CEMIP: variants seen among roughly 807,000 people sequenced by gnomAD.
CEMIP encodes the protein cell migration inducing hyaluronidase 1, also known as cell migration-inducing and hyaluronan-binding protein.
CEMIP carries 105 observed loss-of-function variants against 156.9 expected under a neutral mutation model. The observed-to-expected ratio is 0.67, with a 90% confidence interval of 0.57 to 0.79. The LOEUF is 0.79. CEMIP is among the 30% of genes least tolerant of loss of function. The pLI is 0.00. For synonymous variants in CEMIP, 676 were observed against 668.4 expected (o/e 1.01, Z -0.17); for missense variants, 1,457 against 1,769.4 (o/e 0.82, Z 3.17).
At chr15:80,892,275 G>A (rs747239136) in intron 10 of CEMIP, among the ~76,000 whole-genome samples, 1 of 152,166 alleles carries the variant, frequency 6.6e-6, no homozygotes, top group Non-Finnish European at 1.5e-5. Flanking sequence ...GGCAGGTTGG[G>A]AAGAAAGAGG....
chr15:80,821,018 A>G (rs1007280819), intron 1 of CEMIP, among the ~76,000 whole-genome samples: 1 of 152,268 alleles, frequency 6.6e-6, no homozygotes, highest in Non-Finnish European at 1.5e-5. Context: ...GCACTTCATC[A>G]TAAAGATGTG....
At chr15:80,839,721 G>A (rs904857664) in intron 1 of CEMIP, among the ~76,000 whole-genome samples, 1 of 152,162 alleles carries the variant, frequency 6.6e-6, no homozygotes, top group Non-Finnish European at 1.5e-5. Flanking sequence ...TTGGACTGTG[G>A]GCTGTGGGCT....
At position 80,933,421 on chromosome 15, in the gene CEMIP, C is replaced by A. The variant is rs137894355; in HGVS notation, c.2970C>A (p.Pro990=). 2.5e-6 allele frequency: 4 copies of A among 1,614,000 alleles called. No homozygotes were observed. The highest frequency in any genetic ancestry group is 3.4e-6 in the Non-Finnish European group (4 of 1,180,048). Residue 990 remains proline, a synonymous_variant, in exon 23 of 30, where the codon CCC becomes CCA. Transcript: ENST00000394685. ...GGCACCCAGACTGCATCAATGTTCC[C>A]GACTGGAGAGGGGCCATTTGCAGTG... is the stretch of plus-strand genomic sequence containing the variant. ...LVRHPDCINV[P]DWRGAICSGC...
intron 1 of CEMIP, among the ~76,000 whole-genome samples, chr15:80,859,588 C>T (rs1201748208): frequency 6.6e-6 from 1 of 152,198 alleles, no homozygotes; most frequent in Admixed American, 6.5e-5. Flanking sequence ...GTCCACATGC[C>T]GGAAGGCAAT....
At chr15:80,942,471 G>T in intron 27 of CEMIP, 134 bp downstream of exon 27, 1 of 769,998 alleles carries the variant, frequency 1.3e-6, no homozygotes, top group Non-Finnish European at 2.3e-6. Flanking sequence ...AGGGGGCTTG[G>T]GGCGGGGAAC....
chr15:80,897,835 C>G (rs1487182574), intron 12 of CEMIP, among the ~76,000 whole-genome samples: 1 of 152,168 alleles, frequency 6.6e-6, no homozygotes, highest in Non-Finnish European at 1.5e-5. Flanking sequence ...AACTTTATCT[C>G]TAAGCTACCT....
At chr15:80,917,514 A>T (rs535510531) in intron 14 of CEMIP, among the ~76,000 whole-genome samples, 10 of 152,336 alleles carry the variant, frequency 6.6e-5, no homozygotes, top group Admixed American at 6.5e-4. Flanking sequence ...CAGGCTATTT[A>T]TAACAAACTT....
chr15:80,880,889 T>A lies in CEMIP; in HGVS notation c.381-11T>A, dbSNP rs768648936. ...TGTCAGCCAACTCTGGGGAGCTGTT[T>A]TCTCTTGCAGGGCTGATGAAGGTAT... is the stretch of plus-strand genomic sequence containing the variant. On this transcript the variant is annotated splice_polypyrimidine_tract_variant and intron_variant, in intron 5 of 29. Coordinates refer to ENST00000394685, the MANE Select transcript of CEMIP (RefSeq NM_001293298.2). The A allele has an allele frequency of 8.1e-6, 13 of 1,611,742 alleles. No homozygotes were observed. The Admixed American group carries it at 2.0e-4, about 25-fold the overall frequency.
At chr15:80,828,543 GT>G (rs1897090090) in intron 1 of CEMIP, among the ~76,000 whole-genome samples, 1 of 152,164 alleles carries the variant, frequency 6.6e-6, no homozygotes, top group Admixed American at 6.5e-5. Context: ...TACTAGAAGG[GT>G]TGTTCATTCC....
At chr15:80,921,165 C>A in intron 16 of CEMIP, 64 bp downstream of exon 16, 1 of 1,413,430 alleles carries the variant, frequency 7.1e-7, no homozygotes, top group Non-Finnish European at 9.9e-7. Context: ...GGGAGACAGC[C>A]GAGGCTTACC....
intron 1 of CEMIP, among the ~76,000 whole-genome samples, chr15:80,783,293 T>G (rs1473400574): frequency 6.6e-6 from 1 of 152,228 alleles, no homozygotes; most frequent in East Asian, 1.9e-4. Context: ...GGAACAAAGT[T>G]GTATTTGTGA....
intron 3 of CEMIP, among the ~76,000 whole-genome samples, chr15:80,874,964 C>T (rs1191650740): frequency 1.3e-5 from 2 of 149,442 alleles, no homozygotes; most frequent in Non-Finnish European, 3.0e-5. Context: ...TAGTGAAATT[C>T]CTTCACTGTG....
chr15:80,790,222 A>C (rs1896046508), intron 1 of CEMIP, among the ~76,000 whole-genome samples: 1 of 152,214 alleles, frequency 6.6e-6, no homozygotes, highest in Admixed American at 6.5e-5. Flanking sequence ...GTAGGTGCTC[A>C]AATATTTTTT....
intron 1 of CEMIP, among the ~76,000 whole-genome samples, chr15:80,823,818 G>A (rs937596543): frequency 3.3e-5 from 5 of 152,168 alleles, no homozygotes; most frequent in African/African-American, 1.2e-4. Flanking sequence ...GAAAAAAGAC[G>A]ATGGACCTTT....
intron 14 of CEMIP, chr15:80,909,655 C>T (rs1305256600): frequency 1.3e-5 from 6 of 466,760 alleles, no homozygotes; most frequent in African/African-American, 7.9e-5. Flanking sequence ...GGGGATCATG[C>T]GAAGACCCGG....
intron 1 of CEMIP, among the ~76,000 whole-genome samples, chr15:80,825,674 T>C (rs578030161): frequency 5.7e-4 from 87 of 152,348 alleles, no homozygotes; most frequent in African/African-American, 1.9e-3. Flanking sequence ...AGAGGCAAAG[T>C]GTCCATCAGC....
Position 80,932,386 on chromosome 15 carries a change from G to A in CEMIP, c.2793+347G>A, listed in dbSNP as rs1280436896. 6.6e-6 allele frequency among the ~76,000 whole-genome samples: 1 copy of A among 152,178 alleles called. No homozygotes were observed. The highest frequency in any genetic ancestry group is 1.5e-5 in the Non-Finnish European group (1 of 68,024). On this transcript the variant is annotated intron_variant, in intron 22 of 29. Coordinates refer to ENST00000394685, the MANE Select transcript of CEMIP (RefSeq NM_001293298.2). This position sits in a 1 kb window ranked among gnomAD's most constrained non-coding sequence, Gnocchi z 4.5. ...TCTTCTGACCAGGCCACCTGAGTTGGCACAAAGAATCTAACAAGCCCCACA... is the reference window on the plus strand; with the variant it reads ...TCTTCTGACCAGGCCACCTGAGTTGACACAAAGAATCTAACAAGCCCCACA...
intron 6 of CEMIP, 56 bp from the exon 7 acceptor site, chr15:80,884,119 T>C: frequency 6.4e-7 from 1 of 1,560,530 alleles, no homozygotes; most frequent in Non-Finnish European, 8.8e-7. Context: ...TGCTTAGAGC[T>C]CTTTGTTTTG....
rs376995212 is a variant in CEMIP, at chr15:80,941,735, G to A, written c.3408-114G>A. On this transcript the variant is annotated intron_variant, in intron 25 of 29. Coordinates refer to ENST00000394685, the MANE Select transcript of CEMIP (RefSeq NM_001293298.2). ...TGGTAGACATGGTTCCATTCTATAA[G>A]GCCGCTGGGTCTACCTGCTATGACC... 991 of 908,538 alleles carry A rather than the reference G, an allele frequency of 1.1e-3. 10 individuals are homozygous for A. The African/African-American group carries it at 0.013, about 12-fold the overall frequency. The allele number at this position is 908,538 out of a possible 1,614,324, so 56.3% of individuals were successfully genotyped here.
Sources: gnomAD v4.1 joint callset for allele counts (sites outside exome capture counted in the v4.1 genomes callset) on GRCh38, gnomAD v4.1.1 for gene constraint, Gnocchi (gnomAD v3.1) non-coding constraint, MANE v1.5 for transcripts, NCBI Gene and HGNC (gene_info 2026-07-23, HGNC 2026-07-21) for gene names.